Variants in CAP2 observed in about 807,000 individuals in gnomAD.
The protein encoded by CAP2 is cyclase associated actin cytoskeleton regulatory protein 2.
In CAP2, 24 loss-of-function variants were observed where a neutral mutation model predicts 57.7. The ratio of observed to expected loss-of-function variants is 0.42; its 90% confidence interval spans 0.30 to 0.58. CAP2 has a LOEUF of 0.58. Among genes scored for constraint, CAP2 ranks in the 20% least tolerant of loss-of-function variants. CAP2 has a pLI of 0.22. For missense variants in CAP2, 501 were observed against 590.3 expected (o/e 0.85, Z 1.57); for synonymous variants, 194 against 207.2 (o/e 0.94, Z 0.55).
chr6:17,496,024 G>GGGCGGC (rs1561804574), intron 4 of CAP2, among the ~76,000 whole-genome samples: 2 of 115,716 alleles, frequency 1.7e-5, no homozygotes, highest in African/African-American at 6.5e-5. Context: ...ATGCGTGTGT[G>GGGCGGC]GGTGGGGGGG....
At chr6:17,465,601 G>A (rs775478087) in intron 4 of CAP2, among the ~76,000 whole-genome samples, 1 of 152,074 alleles carries the variant, frequency 6.6e-6, no homozygotes, top group Non-Finnish European at 1.5e-5. Flanking sequence ...TGATCACCAC[G>A]TGTTGTTCAG....
chr6:17,556,695 G>T lies in CAP2; in HGVS notation c.*253G>T. On this transcript the variant is annotated 3_prime_UTR_variant, in exon 13 of 13. Transcript: ENST00000229922. ...ACTTGTGAACATTAGGGATTTAAAG[G>T]AAAAAAAAAAAGAATTCTGTTCCCC... 5.6e-6 allele frequency: 2 copies of T among 355,040 alleles called. No individual in the cohort carries two copies. Among genetic ancestry groups the T allele is most frequent in the Non-Finnish European group, 5.1e-6 (1 of 197,134 alleles). 22.0% of individuals were successfully genotyped at this position (355,040 alleles called of 1,614,324 possible). A position where few individuals can be genotyped will look rare whatever the true frequency, so the allele number is the denominator to read the frequency against.
intron 4 of CAP2, among the ~76,000 whole-genome samples, chr6:17,480,190 T>C (rs947170533): frequency 2.6e-5 from 4 of 152,274 alleles, no homozygotes; most frequent in Middle Eastern, 3.4e-3. Flanking sequence ...CTACAGAGGA[T>C]GACAGTCAAG....
chr6:17,412,124 A>G (rs1281090190), intron 1 of CAP2, among the ~76,000 whole-genome samples: 1 of 152,078 alleles, frequency 6.6e-6, no homozygotes, highest in Non-Finnish European at 1.5e-5. Flanking sequence ...GCACAGAGCC[A>G]GGATTCGAGA....
chr6:17,417,586 T>C (rs1172837685), intron 1 of CAP2, among the ~76,000 whole-genome samples: 3 of 152,202 alleles, frequency 2.0e-5, no homozygotes, highest in African/African-American at 4.8e-5. Context: ...CTAAAACAAA[T>C]TGTGAAAAGG....
At chr6:17,531,187 C>G in intron 7 of CAP2, 2 of 765,472 alleles carry the variant, frequency 2.6e-6, no homozygotes, top group East Asian at 4.9e-5. Context: ...TGGATTAGTT[C>G]ATTTACTGAC....
intron 4 of CAP2, among the ~76,000 whole-genome samples, chr6:17,482,312 A>T (rs897790962): frequency 6.6e-6 from 1 of 152,078 alleles, no homozygotes; most frequent in Non-Finnish European, 1.5e-5. Context: ...GATCGAGACC[A>T]TCCTGGCCAA....
At chr6:17,491,640 T>C (rs552503315) in intron 4 of CAP2, among the ~76,000 whole-genome samples, 11 of 152,278 alleles carry the variant, frequency 7.2e-5, no homozygotes, top group Middle Eastern at 3.4e-3. Context: ...AAGCCAATGC[T>C]TTTTTTGTTT....
At chr6:17,477,722 A>G (rs1761186116) in intron 4 of CAP2, among the ~76,000 whole-genome samples, 1 of 152,302 alleles carries the variant, frequency 6.6e-6, no homozygotes, top group African/African-American at 2.4e-5. Context: ...TTGCTTGTGA[A>G]AAAACTATTG....
intron 7 of CAP2, among the ~76,000 whole-genome samples, chr6:17,522,128 G>GA (rs1762406863): frequency 6.7e-6 from 1 of 149,930 alleles, no homozygotes; most frequent in South Asian, 2.1e-4. Context: ...AAAAAGGAAA[G>GA]AAAAAAAAAG....
chr6:17,455,517 C>T (rs976115509), intron 3 of CAP2, among the ~76,000 whole-genome samples: 1 of 151,906 alleles, frequency 6.6e-6, no homozygotes, highest in South Asian at 2.1e-4. Context: ...TGTACTTTAC[C>T]TCCTTTCATT....
At chr6:17,497,905 A>G (rs1220860874) in intron 4 of CAP2, among the ~76,000 whole-genome samples, 2 of 152,162 alleles carry the variant, frequency 1.3e-5, no homozygotes, top group African/African-American at 4.8e-5. Flanking sequence ...TTCTGTTTTT[A>G]TGGTCTCCCA....
rs146384491 is a variant in CAP2, at chr6:17,547,357, C to T, written c.1210-4107C>T. 8.9e-4 allele frequency among the ~76,000 whole-genome samples: 134 copies of T among 151,116 alleles called. 1 individual carries two copies. The East Asian group carries it at 0.024, about 27-fold the overall frequency. The stretch of plus-strand genomic sequence containing the variant: ...TAGGTAAGTCAGAAGAGATATACTA[C>T]ATTTCATAACTGAATTGAGTGTCTG... On this transcript the variant is annotated intron_variant, in intron 11 of 12. Coordinates refer to ENST00000229922, the MANE Select transcript of CAP2 (RefSeq NM_006366.3).
chr6:17,547,995 AC>A (rs1361329791), intron 11 of CAP2, among the ~76,000 whole-genome samples: 3 of 152,156 alleles, frequency 2.0e-5, no homozygotes, highest in Non-Finnish European at 2.9e-5. Context: ...AACTAAAAAA[AC>A]ATTCAGCAAG....
At chr6:17,485,026 G>A (rs559324972) in intron 4 of CAP2, among the ~76,000 whole-genome samples, 1 of 152,266 alleles carries the variant, frequency 6.6e-6, no homozygotes, top group African/African-American at 2.4e-5. Flanking sequence ...TTCTTTACTT[G>A]CAACAAGAGA....
chr6:17,457,975 A>T lies in CAP2; in HGVS notation c.223-5021A>T, dbSNP rs185838042. 8.1e-4 allele frequency among the ~76,000 whole-genome samples: 123 copies of T among 152,354 alleles called. 1 individual carries two copies. The highest frequency in any genetic ancestry group is 2.7e-3 in the African/African-American group (113 of 41,584). On this transcript the variant is annotated intron_variant, in intron 3 of 12. Coordinates refer to ENST00000229922, the MANE Select transcript of CAP2 (RefSeq NM_006366.3). ...TCTGCAAGGCTTGTCATAGATGAGG[A>T]CGTTACCTCTATATTATCGTTGCTG...
At chr6:17,487,932 C>T (rs1010748432) in intron 4 of CAP2, among the ~76,000 whole-genome samples, 2 of 151,892 alleles carry the variant, frequency 1.3e-5, no homozygotes, top group African/African-American at 2.4e-5. Flanking sequence ...GTGTGTGCCA[C>T]TATGCCTAGC....
chr6:17,508,050 C>A (rs984060641), intron 6 of CAP2, among the ~76,000 whole-genome samples: 1 of 152,122 alleles, frequency 6.6e-6, no homozygotes, highest in Non-Finnish European at 1.5e-5. Flanking sequence ...GGTACAGAAC[C>A]TTTACATGCA....
At chr6:17,545,829 G>T (rs1763031436) in intron 11 of CAP2, among the ~76,000 whole-genome samples, 1 of 152,146 alleles carries the variant, frequency 6.6e-6, no homozygotes. Context: ...TGCTGAGAAT[G>T]ATGGTTTCCA....
Sources: allele counts gnomAD v4.1 joint callset (sites outside exome capture counted in the v4.1 genomes callset), GRCh38; gene constraint gnomAD v4.1.1; transcripts MANE v1.5; gene names NCBI Gene and HGNC (gene_info 2026-07-23, HGNC 2026-07-21).